The following DTX2 variants were observed in gnomAD, a reference collection of about 807,000 sequenced individuals.
DTX2 encodes the protein probable E3 ubiquitin-protein ligase DTX2.
Under a neutral mutation model 55.3 loss-of-function variants are expected in DTX2, and 29 were observed. The ratio of observed to expected loss-of-function variants is 0.52; its 90% confidence interval spans 0.39 to 0.71. The LOEUF (loss-of-function observed/expected upper bound fraction) is 0.71. Ranked by LOEUF, DTX2 falls within the 30% of genes least tolerant of loss-of-function variation. DTX2 has a pLI of 0.00. For missense variants in DTX2, 537 were observed against 822.5 expected (o/e 0.65, Z 4.25); for synonymous variants, 276 against 340.4 (o/e 0.81, Z 2.08).
At chr7:76,473,254 G>A (rs1267583352) in intron 2 of DTX2, among the ~76,000 whole-genome samples, 8 of 152,040 alleles carry the variant, frequency 5.3e-5, no homozygotes, top group Admixed American at 4.6e-4. Context: ...GACATCCCCC[G>A]TGGGTGGCCA....
rs1380259417 is a variant in DTX2 at position 76,499,349 on chromosome 7, C to T, written c.1151-1092C>T. Among the ~76,000 whole-genome samples the T allele has an allele frequency of 3.2e-3, 453 of 142,890 alleles. 2 individuals are homozygous for T. The highest frequency in any genetic ancestry group is 6.8e-3 in the African/African-American group (255 of 37,668). The allele number at this position is 142,890 out of a possible 152,430, so 93.7% of individuals were successfully genotyped here. On this transcript the variant is annotated intron_variant, in intron 6 of 10. Coordinates refer to ENST00000430490, the MANE Select transcript of DTX2 (RefSeq NM_001102594.3). ...GCAAGAGAACTAGAATTAAACAAAC[C>T]GTGCCGACTCCAGCCTCCACCCCAC...
rs139768070 is a variant in DTX2, at chr7:76,480,590, G to T, written c.81G>T (p.Gly27=). ...AAVAVWEWQD[G]LGTWHPYSAT... ...TGGCCGTGTGGGAATGGCAGGACGG[G>T]CTGGGCACCTGGCACCCCTACAGTG... Residue 27 remains glycine (G), a synonymous_variant, in exon 3 of 11, where the codon GGG becomes GGT. Transcript: ENST00000430490. The T allele has an allele frequency of 1.9e-6, 3 of 1,613,030 alleles. No homozygotes were observed. In the South Asian group the frequency reaches 3.3e-5, roughly 18 times the overall value.
chr7:76,484,475 G>C (rs1809686980), intron 4 of DTX2, among the ~76,000 whole-genome samples: 1 of 135,256 alleles, frequency 7.4e-6, no homozygotes, highest in Non-Finnish European at 1.6e-5. Context: ...TCATTATTGA[G>C]AATGTTGGGC....
chr7:76,498,888 GGTGT>G (rs1811275631), intron 6 of DTX2, among the ~76,000 whole-genome samples: 1 of 68,726 alleles, frequency 1.5e-5, no homozygotes, highest in Non-Finnish European at 2.6e-5. Context: ...GGAGGTGTGG[GGTGT>G]ATGGAGGTGT....
rs1290653731 is a variant in DTX2 at position 76,480,456 on chromosome 7, C to G, written c.-54C>G. ...GGCGCTGGGCAATGACCCCGGGACT[C>G]CAGGCCAGAGGGGTCTGAAGCTGTT... is the stretch of plus-strand genomic sequence containing the variant. On this transcript the variant is annotated 5_prime_UTR_variant, in exon 3 of 11. Transcript: ENST00000430490. The G allele has an allele frequency of 1.3e-6, 2 of 1,508,628 alleles. No homozygotes were observed. Among genetic ancestry groups the G allele is most frequent in the African/African-American group, 1.4e-5 (1 of 71,782 alleles). 93.5% of individuals were successfully genotyped at this position (1,508,628 alleles called of 1,614,324 possible).
Position 76,505,373 on chromosome 7 carries a change from G to C in DTX2, c.1642-1G>C. The C allele has an allele frequency of 6.4e-7, 1 of 1,571,662 alleles. No individual in the cohort carries two copies. Among genetic ancestry groups the C allele is most frequent in the Non-Finnish European group, 8.6e-7 (1 of 1,158,820 alleles). On this transcript the variant is annotated splice_acceptor_variant, in intron 10 of 10. Transcript: ENST00000430490. LOFTEE classifies it high-confidence loss of function. This position sits in a 1 kb window ranked among gnomAD's most constrained non-coding sequence, Gnocchi z 4.4. Reference sequence around the variant, plus strand: ...TCTTCCCCCTCCTCCTCCCCGGGCAGGTCCTAGAGCTCCTGAAGGTGGCCT... The same window carrying C: ...TCTTCCCCCTCCTCCTCCCCGGGCACGTCCTAGAGCTCCTGAAGGTGGCCT...
intron 3 of DTX2, among the ~76,000 whole-genome samples, chr7:76,481,210 G>A (rs1181501405): frequency 2.7e-5 from 4 of 150,930 alleles, no homozygotes; most frequent in Admixed American, 6.6e-5. Context: ...TTTTTGAGAC[G>A]GAGTCTGGCT....
rs1812184706 is a variant in DTX2 at position 76,505,033 on chromosome 7, G to A, written c.1642-341G>A. Among the ~76,000 whole-genome samples, 1 of 132,342 alleles carries A rather than the reference G, an allele frequency of 7.6e-6. No individual in the cohort carries two copies. The highest frequency in any genetic ancestry group is 1.6e-5 in the Non-Finnish European group (1 of 62,932). The allele number at this position is 132,342 out of a possible 152,430, so 86.8% of individuals were successfully genotyped here. A position where few individuals can be genotyped will look rare whatever the true frequency, so the allele number is the denominator to read the frequency against. ...GAGAGGGCAGGGAGAGGGCAGGGAG[G>A]CCTGGATTCCACCAGGGAGGGTGGG... On this transcript the variant is annotated intron_variant, in intron 10 of 10. Transcript: ENST00000430490. This position sits in a 1 kb window ranked among gnomAD's most constrained non-coding sequence, Gnocchi z 4.4.
Position 76,482,514 on chromosome 7 carries a change from T to G in DTX2, c.275T>G (p.Met92Arg), listed in dbSNP as rs150857694. Residue 92 changes from methionine to arginine, a missense_variant, in exon 4 of 11, where the codon ATG (methionine) becomes AGG (arginine). Physicochemically the swap from Met to Arg is moderately conservative, Grantham distance 91 (BLOSUM62 -1). Transcript: ENST00000430490. ...WTQFRQDTGT[M>R]RAVRRHLFPQ... ...TGTTTTCCTTTGAAAATAGGCACCATGCGGGCTGTGCGGAGACACCTGTTC... is the reference window on the plus strand; with the variant it reads ...TGTTTTCCTTTGAAAATAGGCACCAGGCGGGCTGTGCGGAGACACCTGTTC... The G allele has an allele frequency of 6.3e-7, 1 of 1,592,286 alleles. No homozygotes were observed. The highest frequency in any genetic ancestry group is 1.7e-5 in the Admixed American group (1 of 58,248).
At chr7:76,483,803 C>T (rs1053505024) in intron 4 of DTX2, among the ~76,000 whole-genome samples, 2 of 150,698 alleles carry the variant, frequency 1.3e-5, no homozygotes, top group East Asian at 3.9e-4. Flanking sequence ...CCTTTAATCC[C>T]AGCACTTTGG....
At chr7:76,466,594 T>C (rs916714441) in intron 2 of DTX2, among the ~76,000 whole-genome samples, 4 of 83,506 alleles carry the variant, frequency 4.8e-5, no homozygotes, top group African/African-American at 1.9e-4. Context: ...CTCTGTCTCT[T>C]TTTTTTTTTT....
intron 8 of DTX2, 145 bp from the exon 9 acceptor site, chr7:76,503,281 G>A (rs1811942495): frequency 1.2e-5 from 10 of 857,030 alleles, no homozygotes; most frequent in Non-Finnish European, 1.8e-5. Context: ...GCTGTTGGAA[G>A]CCAGTTTCCG....
intron 8 of DTX2, among the ~76,000 whole-genome samples, chr7:76,503,156 C>A (rs4727187): frequency 0.36 from 54,352 of 152,166 alleles, 10,433 homozygotes; most frequent in East Asian, 0.43. Flanking sequence ...GCGATTCACC[C>A]GTGGAGATTT....
At chr7:76,483,241 C>A in intron 4 of DTX2, 94 bp downstream of exon 4, 1 of 1,435,096 alleles carries the variant, frequency 7.0e-7, no homozygotes, top group Non-Finnish European at 9.2e-7. Context: ...CGGCTCCTGC[C>A]CCCTAGGTGG....
chr7:76,498,792 A>G (rs1358743315), intron 6 of DTX2, among the ~76,000 whole-genome samples: 579 of 11,316 alleles, frequency 0.051, 14 homozygotes, highest in South Asian at 0.13. Flanking sequence ...GGCAGTCTGT[A>G]TGGGTGTGTG....
Position 76,481,722 on chromosome 7 carries a change from G to T in DTX2, c.269-786G>T, listed in dbSNP as rs1809241837. On this transcript the variant is annotated intron_variant, in intron 3 of 10. Coordinates refer to ENST00000430490, the MANE Select transcript of DTX2 (RefSeq NM_001102594.3). Reference sequence around the variant, plus strand: ...TCGCCATCCGGCAGTGCACTGGGCTGGCCCTGCAGTAAGGAATTATTGGCC... The same window carrying T: ...TCGCCATCCGGCAGTGCACTGGGCTTGCCCTGCAGTAAGGAATTATTGGCC... Among the ~76,000 whole-genome samples the T allele has an allele frequency of 2.0e-5, 3 of 152,232 alleles. No homozygotes were observed. In the South Asian group the frequency reaches 6.2e-4, roughly 32 times the overall value.
chr7:76,480,349 C>T (rs1410582394), intron 2 of DTX2, 72 bp from the exon 3 acceptor site: 222 of 943,608 alleles, frequency 2.4e-4, no homozygotes, highest in Admixed American at 3.6e-4. Flanking sequence ...CACGTGTTTC[C>T]CCTGCGCTGA....
rs989701114 is a variant in DTX2 at position 76,505,196 on chromosome 7, A to G, written c.1642-178A>G. ...GAGCCCAGGTTCATGTGGGATCCTAATGTACTATCCAGTGGGCAGTTTTGG... is the reference window on the plus strand; with the variant it reads ...GAGCCCAGGTTCATGTGGGATCCTAGTGTACTATCCAGTGGGCAGTTTTGG... On this transcript the variant is annotated intron_variant, in intron 10 of 10. Transcript: ENST00000430490. This position sits in a 1 kb window ranked among gnomAD's most constrained non-coding sequence, Gnocchi z 4.4. Among the ~76,000 whole-genome samples the G allele has an allele frequency of 3.9e-5, 6 of 152,050 alleles. No individual in the cohort carries two copies. The highest frequency in any genetic ancestry group is 1.4e-4 in the African/African-American group (6 of 41,404).
At chr7:76,464,394 G>A (rs577753765) in intron 2 of DTX2, among the ~76,000 whole-genome samples, 1 of 148,268 alleles carries the variant, frequency 6.7e-6, no homozygotes, top group East Asian at 2.0e-4. Context: ...GCCAAGACTC[G>A]GGAGTGGAAG....
Sources: allele counts gnomAD v4.1 joint callset (sites outside exome capture counted in the v4.1 genomes callset), GRCh38; gene constraint gnomAD v4.1.1; non-coding constraint Gnocchi (gnomAD v3.1); transcripts MANE v1.5; gene names NCBI Gene and HGNC (gene_info 2026-07-23, HGNC 2026-07-21).